PTPRU: variants seen among roughly 807,000 people sequenced by gnomAD.
The protein encoded by PTPRU is receptor-type tyrosine-protein phosphatase U.
Under a neutral mutation model 166.3 loss-of-function variants are expected in PTPRU, and 69 were observed. The ratio of observed to expected loss-of-function variants is 0.41; its 90% CI spans 0.34 to 0.51. PTPRU has a LOEUF of 0.51. Ranked by LOEUF, PTPRU falls within the 20% of genes least tolerant of loss-of-function variation. The pLI is 0.09. For missense variants in PTPRU, 1,657 were observed against 2,013.7 expected (o/e 0.82, Z 3.39); for synonymous variants, 793 against 814.0 (o/e 0.97, Z 0.44).
Position 29,279,907 on chromosome 1 carries a change from T to G in PTPRU, c.1766-132T>G, listed in dbSNP as rs1412452366. 1.2e-5 allele frequency: 12 copies of G among 1,041,446 alleles called. No individual in the cohort carries two copies. Among genetic ancestry groups the G allele is most frequent in the African/African-American group, 1.6e-5 (1 of 62,508 alleles). 64.5% of individuals were successfully genotyped at this position (1,041,446 alleles called of 1,614,324 possible). On this transcript the variant is annotated intron_variant, in intron 10 of 29. Transcript: ENST00000373779. The surrounding 1 kb of genome is among the most constrained non-coding windows in gnomAD (Gnocchi z 5.2). ...AGGTCAGGGGCCAGGGTAGCTCAGG[T>G]CATGTCAGCAGGAACAAAGAGGCTA...
In PTPRU at chr1:29,316,093, A is replaced by G. The variant is rs143053196; in HGVS notation, c.3455A>G (p.Lys1152Arg). ...GTCAGTGAGTTCAAGGCCACCTACAAGGAGATGATCCGCATTGATCCTCAG... is the reference window on the plus strand; with the variant it reads ...GTCAGTGAGTTCAAGGCCACCTACAGGGAGATGATCCGCATTGATCCTCAG... ...IPVSEFKATYKEMIRIDPQSN... is the reference protein window; with the variant it reads ...IPVSEFKATYREMIRIDPQSN... The change falls in exon 24 of 30, where the codon AAG becomes AGG. Residue 1152 changes from lysine to arginine, a missense_variant. Physicochemically the swap from Lys to Arg is conservative, Grantham distance 26 (BLOSUM62 2). Transcript: ENST00000373779. 4 of 1,614,170 alleles carry G rather than the reference A, an allele frequency of 2.5e-6. No individual in the cohort carries two copies. Among genetic ancestry groups the G allele is most frequent in the Non-Finnish European group, 3.4e-6 (4 of 1,180,024 alleles).
intron 16 of PTPRU, 91 bp from the exon 17 acceptor site, chr1:29,304,683 C>A: frequency 1.0e-6 from 1 of 972,754 alleles, no homozygotes; most frequent in Non-Finnish European, 1.5e-6. Flanking sequence ...ATCATCCCAC[C>A]CCCATCCTGC....
chr1:29,255,743 C>G (rs1256967481), intron 2 of PTPRU, among the ~76,000 whole-genome samples: 1 of 152,182 alleles, frequency 6.6e-6, no homozygotes, highest in African/African-American at 2.4e-5. Flanking sequence ...TTCAGAGATT[C>G]TTTTCTCCCA....
Position 29,325,723 on chromosome 1 carries a change from C to T in PTPRU, c.*62C>T, listed in dbSNP as rs978386792. ...GGCCAGACCCACCATCCTGGACTGG[C>T]GAGGAAGATCAGTGCCTCCTGCTCT... On this transcript the variant is annotated 3_prime_UTR_variant, in exon 30 of 30. Transcript: ENST00000373779. 11 of 1,463,104 alleles carry T rather than the reference C, an allele frequency of 7.5e-6. No homozygotes were observed. The East Asian group carries it at 1.1e-4, about 15-fold the overall frequency. The allele number at this position is 1,463,104 out of a possible 1,614,324, so 90.6% of individuals were successfully genotyped here. A position where few individuals can be genotyped will look rare whatever the true frequency, so the allele number is the denominator to read the frequency against.
chr1:29,291,908 C>T lies in PTPRU; in HGVS notation c.2358C>T (p.Arg786=), dbSNP rs141786387. ...TGACCAAGGCCACCGTCAACTACCG[C>T]CAGGAGAAGACACACATGATGAGCG... ...VNMTKATVNY[R]QEKTHMMSAV... is the part of the protein sequence containing the mutation. The change falls in exon 15 of 30, where the codon CGC becomes CGT. Residue 786 remains arginine (R), a synonymous_variant. Coordinates refer to ENST00000373779, the MANE Select transcript of PTPRU (RefSeq NM_133178.4). This position sits in a 1 kb window ranked among gnomAD's most constrained non-coding sequence, Gnocchi z 4.1. 2.0e-4 allele frequency: 327 copies of T among 1,614,140 alleles called. No individual in the cohort carries two copies. The highest frequency in any genetic ancestry group is 1.2e-3 in the Middle Eastern group (7 of 6,060).
chr1:29,274,256 G>A (rs559458704), intron 7 of PTPRU, among the ~76,000 whole-genome samples: 1 of 151,558 alleles, frequency 6.6e-6, no homozygotes, highest in Admixed American at 6.6e-5. Context: ...GGCCAGGCTG[G>A]GCTTGAACTC....
At chr1:29,256,507 G>C (rs1684778119) in intron 2 of PTPRU, among the ~76,000 whole-genome samples, 1 of 152,200 alleles carries the variant, frequency 6.6e-6, no homozygotes, top group Non-Finnish European at 1.5e-5. Context: ...ATTCTCAGTG[G>C]TGGGGCCAGG....
chr1:29,279,117 A>G lies in PTPRU; in HGVS notation c.1559A>G (p.Tyr520Cys). 2 of 1,568,926 alleles carry G rather than the reference A, an allele frequency of 1.3e-6. No individual in the cohort carries two copies. The highest frequency in any genetic ancestry group is 1.7e-6 in the Non-Finnish European group (2 of 1,156,138). ...GAGCCCAATGGTCTCATCACCCAGT[A>G]TGAGGTGGGTTTGGGACCCTATTAC... The part of the protein sequence containing the change: ...PQEPNGLITQ[Y>C]EISYQSIESS... The change falls in exon 9 of 30, where the codon TAT (tyrosine) becomes TGT (cysteine). Residue 520 changes from tyrosine (Y) to cysteine (C), a missense_variant. Transcript: ENST00000373779. The surrounding 1 kb of genome is among the most constrained non-coding windows in gnomAD (Gnocchi z 5.2).
intron 7 of PTPRU, among the ~76,000 whole-genome samples, chr1:29,268,395 G>C (rs1047969699): frequency 3.8e-4 from 58 of 152,196 alleles, no homozygotes; most frequent in African/African-American, 1.2e-3. Context: ...ACAACTGGGT[G>C]GCGGCAATGG....
chr1:29,278,939 G>A lies in PTPRU; in HGVS notation c.1454-73G>A. ...ATGAGAACCAGGTAGGAAGCGGCAA[G>A]GCTGGAATTTAAACCCAGGTGTCTG... On this transcript the variant is annotated intron_variant, in intron 8 of 29. Transcript: ENST00000373779. The A allele has an allele frequency of 1.6e-6, 2 of 1,221,150 alleles. 1 individual carries two copies. The highest frequency in any genetic ancestry group is 4.6e-4 in the Middle Eastern group (2 of 4,322). The allele number at this position is 1,221,150 out of a possible 1,614,324, so 75.6% of individuals were successfully genotyped here.
chr1:29,325,479 T>G (rs945817413), intron 29 of PTPRU, 120 bp from the exon 30 acceptor site: 1 of 1,503,106 alleles, frequency 6.7e-7, no homozygotes, highest in African/African-American at 1.4e-5. Context: ...TTCTCCCTTC[T>G]CCCCGAGGGC....
Position 29,258,572 on chromosome 1 carries a change from C to A in PTPRU, c.273C>A (p.Ser91Arg). 6.2e-7 allele frequency: 1 copy of A among 1,614,274 alleles called. No homozygotes were observed. Among genetic ancestry groups the A allele is most frequent in the African/African-American group, 1.3e-5 (1 of 75,074 alleles). ...PGQRAHVIFQ[S>R]LSENDTHCVQ... ...AGCGAGCCCATGTCATCTTCCAGAG[C>A]CTGAGCGAGAATGATACCCACTGTG... The change falls in exon 3 of 30, where the codon AGC becomes AGA. Residue 91 changes from serine to arginine, a missense_variant. Transcript: ENST00000373779.
At chr1:29,293,856 A>G (rs1270610522) in intron 15 of PTPRU, among the ~76,000 whole-genome samples, 3 of 152,248 alleles carry the variant, frequency 2.0e-5, no homozygotes, top group Admixed American at 2.0e-4. Context: ...CTTTATAAAA[A>G]TGAAATCACA....
At chr1:29,266,708 G>A (rs1403330739) in intron 7 of PTPRU, among the ~76,000 whole-genome samples, 1 of 152,168 alleles carries the variant, frequency 6.6e-6, no homozygotes. Context: ...TGTCTATTAC[G>A]TGCGAGGTGC....
chr1:29,300,941 C>T (rs548591475), intron 15 of PTPRU, among the ~76,000 whole-genome samples: 15 of 152,090 alleles, frequency 9.9e-5, no homozygotes, highest in Admixed American at 2.0e-4. Flanking sequence ...GGGTTCTTGC[C>T]GGGAGGGTCA....
chr1:29,299,578 G>A (rs1013621999), intron 15 of PTPRU, among the ~76,000 whole-genome samples: 6 of 152,134 alleles, frequency 3.9e-5, no homozygotes, highest in Admixed American at 3.3e-4. Context: ...CTTTCCAGGC[G>A]GGACTTTTTG....
chr1:29,279,047 A>T lies in PTPRU; in HGVS notation c.1489A>T (p.Thr497Ser). The part of the protein sequence containing the change: ...SGIAAESLTF[T>S]PLEDMIFLKW... Reference sequence around the variant, plus strand: ...GATTGCAGCCGAGTCCCTGACCTTCACTCCACTGGAGGACATGATCTTCCT... The same window carrying T: ...GATTGCAGCCGAGTCCCTGACCTTCTCTCCACTGGAGGACATGATCTTCCT... The change falls in exon 9 of 30, where the codon ACT becomes TCT. Residue 497 changes from threonine to serine, a missense_variant. Physicochemically the swap from Thr to Ser is moderately conservative, Grantham distance 58. Coordinates refer to ENST00000373779, the MANE Select transcript of PTPRU (RefSeq NM_133178.4). This position sits in a 1 kb window ranked among gnomAD's most constrained non-coding sequence, Gnocchi z 5.2. 6.3e-7 allele frequency: 1 copy of T among 1,592,354 alleles called. No homozygotes were observed. Among genetic ancestry groups the T allele is most frequent in the Non-Finnish European group, 8.6e-7 (1 of 1,169,036 alleles).
rs201821547 is a variant in PTPRU at position 29,279,498 on chromosome 1, G to A, written c.1606G>A (p.Val536Met). The stretch of plus-strand genomic sequence containing the variant: ...CGAGTCATCAGACCCGGCAGTGAAC[G>A]TGCCAGGCCCACGACGTACCATCTC... ...SIESSDPAVN[V>M]PGPRRTISKL... Residue 536 changes from valine (V) to methionine (M), a missense_variant, in exon 10 of 30, where the codon GTG becomes ATG. Physicochemically the swap from Val to Met is conservative, Grantham distance 21. Transcript: ENST00000373779. The surrounding 1 kb of genome is among the most constrained non-coding windows in gnomAD (Gnocchi z 5.2). 351 of 1,614,184 alleles carry A rather than the reference G, an allele frequency of 2.2e-4. 1 individual carries two copies. The highest frequency in any genetic ancestry group is 8.6e-5 in the Non-Finnish European group (102 of 1,180,028).
At chr1:29,244,223 C>T (rs1184213700) in intron 1 of PTPRU, among the ~76,000 whole-genome samples, 2 of 151,938 alleles carry the variant, frequency 1.3e-5, no homozygotes, top group African/African-American at 4.8e-5. Flanking sequence ...AAAAAGGAGA[C>T]GGAAAACCGC....
Sources: gnomAD v4.1 joint callset for allele counts (sites outside exome capture counted in the v4.1 genomes callset) on GRCh38, gnomAD v4.1.1 for gene constraint, Gnocchi (gnomAD v3.1) non-coding constraint, MANE v1.5 for transcripts, NCBI Gene and HGNC (gene_info 2026-07-23, HGNC 2026-07-21) for gene names.